The following ADORA2B variants were observed in gnomAD, a reference collection of about 807,000 sequenced individuals.
ADORA2B encodes adenosine receptor A2b.
In ADORA2B, 18 loss-of-function variants were observed where a neutral mutation model predicts 20.8. That is an observed-to-expected ratio of 0.87 (90% CI 0.60 to 1.29). The LOEUF is 1.29. ADORA2B is among the 50% of genes most tolerant of loss of function. The pLI is 0.00. For missense variants in ADORA2B, 441 were observed against 422.7 expected, an observed-to-expected ratio of 1.04 and a Z score of -0.38; for synonymous variants, 179 against 178.3, an observed-to-expected ratio of 1.00 and a Z score of -0.03.
intron 1 of ADORA2B, among the ~76,000 whole-genome samples, chr17:15,962,042 G>C (rs1435882741): frequency 2.0e-5 from 3 of 152,126 alleles, no homozygotes; most frequent in African/African-American, 7.2e-5. Context: ...GTGGCTCATG[G>C]CTGTAATCCC....
intron 1 of ADORA2B, among the ~76,000 whole-genome samples, chr17:15,959,859 A>G (rs1970013887): frequency 6.6e-6 from 1 of 152,202 alleles, no homozygotes; most frequent in Admixed American, 6.5e-5. Flanking sequence ...AGTTATCCCA[A>G]TCATATCTTT....
chr17:15,930,045 T>C, the ADORA2B span, among the ~76,000 whole-genome samples: 1 of 152,228 alleles, frequency 6.6e-6, no homozygotes, highest in African/African-American at 2.4e-5. Flanking sequence ...GAAGCTATCC[T>C]ATTGCCTCGA....
intron 1 of ADORA2B, among the ~76,000 whole-genome samples, chr17:15,957,931 TG>T (rs1460022125): frequency 5.9e-5 from 9 of 152,134 alleles, no homozygotes; most frequent in African/African-American, 1.4e-4. Flanking sequence ...TGTTTTTTTT[TG>T]TTTGTTTGTT....
chr17:15,967,314 C>T (rs1012531348), intron 1 of ADORA2B, among the ~76,000 whole-genome samples: 4 of 151,996 alleles, frequency 2.6e-5, no homozygotes, highest in Non-Finnish European at 4.4e-5. Context: ...TTCACTGCAA[C>T]CCCCGCCTCC....
the ADORA2B span, among the ~76,000 whole-genome samples, chr17:15,939,628 G>C: frequency 6.6e-6 from 1 of 152,170 alleles, no homozygotes; most frequent in Non-Finnish European, 1.5e-5. Context: ...GGGAGGCTGA[G>C]GCGGGCAGAT....
chr17:15,883,648 A>C, the ADORA2B span, among the ~76,000 whole-genome samples: 2 of 152,250 alleles, frequency 1.3e-5, no homozygotes, highest in Non-Finnish European at 2.9e-5. Context: ...CAAAGGGCAC[A>C]TGCCGTATGG....
the ADORA2B span, among the ~76,000 whole-genome samples, chr17:15,879,355 A>G: frequency 2.8e-4 from 42 of 151,916 alleles, no homozygotes; most frequent in African/African-American, 9.7e-4. Flanking sequence ...TGTGAGGCTG[A>G]GGTGGGAGGA....
chr17:15,961,165 A>T (rs1244103585), intron 1 of ADORA2B, among the ~76,000 whole-genome samples: 2 of 1,890 alleles, frequency 1.1e-3, no homozygotes, highest in Non-Finnish European at 0.016. Context: ...AGACTCTGTC[A>T]AAAAAAAAAA....
chr17:15,876,300 A>G, the ADORA2B span, among the ~76,000 whole-genome samples: 16 of 152,162 alleles, frequency 1.1e-4, no homozygotes, highest in African/African-American at 2.9e-4. Context: ...CAGCAAGAAG[A>G]AAATAATTCC....
chr17:15,918,313 G>T, the ADORA2B span, among the ~76,000 whole-genome samples: 2 of 152,194 alleles, frequency 1.3e-5, no homozygotes, highest in African/African-American at 4.8e-5. Flanking sequence ...TCAGTGCATT[G>T]CTGTGGGCTT....
At chr17:15,860,796 A>T in the ADORA2B span, 2 of 167,950 alleles carry the variant, frequency 1.2e-5, no homozygotes, top group African/African-American at 4.8e-5. Context: ...TTCTTCAGGA[A>T]TAGGTGATTA....
At chr17:15,897,268 AATCT>A in the ADORA2B span, among the ~76,000 whole-genome samples, 1 of 152,168 alleles carries the variant, frequency 6.6e-6, no homozygotes, top group African/African-American at 2.4e-5. Flanking sequence ...CAAGATAGGT[AATCT>A]ATTAAAAATT....
chr17:15,928,100 G>GC, the ADORA2B span, among the ~76,000 whole-genome samples: 1 of 152,106 alleles, frequency 6.6e-6, no homozygotes, highest in Admixed American at 6.5e-5. Context: ...GAGCCACCAC[G>GC]CCCGGCCGAG....
the ADORA2B span, among the ~76,000 whole-genome samples, chr17:15,868,546 G>T: frequency 3.9e-4 from 54 of 137,560 alleles, 8 homozygotes; most frequent in Middle Eastern, 0.011. Flanking sequence ...GCCGAGGCGG[G>T]CGGATAACAA....
chr17:15,855,743 A>G, the ADORA2B span, among the ~76,000 whole-genome samples: 2 of 152,110 alleles, frequency 1.3e-5, no homozygotes, highest in Admixed American at 1.3e-4. Flanking sequence ...GGTTTGTTAC[A>G]ATGGGTATAT....
chr17:15,944,270 G>A (rs769504583), upstream of ADORA2B, among the ~76,000 whole-genome samples: 1 of 152,162 alleles, frequency 6.6e-6, no homozygotes, highest in Non-Finnish European at 1.5e-5. This position sits in a 1 kb window ranked among gnomAD's most constrained non-coding sequence, Gnocchi z 4.8. Context: ...CTCTCTCCTG[G>A]CGAGAGTCGG....
In ADORA2B at chr17:15,975,242, C is replaced by G. The variant is rs1567786010; in HGVS notation, c.899C>G (p.Thr300Ser). The change falls in exon 2 of 2, where the codon ACT (threonine) becomes AGT (serine). Residue 300 changes from threonine to serine, a missense_variant. Thr to Ser is a moderately conservative substitution (Grantham distance 58, BLOSUM62 1). Coordinates refer to ENST00000304222, the MANE Select transcript of ADORA2B (RefSeq NM_000676.4). ...YAYRNRDFRY[T>S]FHKIISRYLL... The stretch of plus-strand genomic sequence containing the variant: ...TACCGGAACCGAGACTTCCGCTACA[C>G]TTTTCACAAAATTATCTCCAGGTAT... 1 of 1,613,978 alleles carries G rather than the reference C, an allele frequency of 6.2e-7. No individual in the cohort carries two copies. The highest frequency in any genetic ancestry group is 8.5e-7 in the Non-Finnish European group (1 of 1,180,038).
upstream of ADORA2B, among the ~76,000 whole-genome samples, chr17:15,943,495 T>C (rs1433880794): frequency 6.6e-6 from 1 of 152,194 alleles, no homozygotes; most frequent in Non-Finnish European, 1.5e-5. Flanking sequence ...CCTGGCTGAT[T>C]TATTTTTTAT....
At chr17:15,934,863 G>C in the ADORA2B span, among the ~76,000 whole-genome samples, 1 of 152,082 alleles carries the variant, frequency 6.6e-6, no homozygotes, top group Non-Finnish European at 1.5e-5. Context: ...GTGGAGTGCA[G>C]TGGTGCAGTC....
Sources: gnomAD v4.1 joint callset for allele counts (sites outside exome capture counted in the v4.1 genomes callset) on GRCh38, gnomAD v4.1.1 for gene constraint, Gnocchi (gnomAD v3.1) non-coding constraint, MANE v1.5 for transcripts, NCBI Gene and HGNC (gene_info 2026-07-23, HGNC 2026-07-21) for gene names.